The following FUS variants were observed in gnomAD, a reference collection of about 807,000 sequenced individuals.
The protein encoded by FUS is FUS RNA binding protein.
Under a neutral mutation model 82.7 loss-of-function variants are expected in FUS, and 5 were observed. The observed-to-expected ratio is 0.06, with a 90% CI of 0.03 to 0.13. The LOEUF (loss-of-function observed/expected upper bound fraction) is 0.13. Among genes scored for constraint, FUS ranks in the 10% least tolerant of loss-of-function variants. The pLI is 1.00. For missense variants in FUS, 512 were observed against 707.8 expected, an observed-to-expected ratio of 0.72 and a Z score of 3.14; for synonymous variants, 281 against 247.4, an observed-to-expected ratio of 1.14 and a Z score of -1.27.
downstream of FUS, chr16:31,193,199 C>T (rs979313916): frequency 6.1e-6 from 3 of 492,568 alleles, no homozygotes; most frequent in African/African-American, 1.9e-5. Context: ...ACCTCAGCCT[C>T]CCAATAAACC....
In FUS at chr16:31,191,520, C is replaced by T. The variant is rs1453096691; in HGVS notation, c.*82C>T. On this transcript the variant is annotated 3_prime_UTR_variant, in exon 15 of 15. Transcript: ENST00000254108. ...TCGTTATTTTGTAACCTTCCAATTC[C>T]TGATCACCCAAGGGTTTTTTTGTGT... 2.7e-6 allele frequency: 4 copies of T among 1,465,486 alleles called. No individual in the cohort carries two copies. The highest frequency in any genetic ancestry group is 1.4e-5 in the African/African-American group (1 of 71,758). The allele number at this position is 1,465,486 out of a possible 1,614,324, so 90.8% of individuals were successfully genotyped here.
downstream of FUS, chr16:31,194,447 C>A (rs1180326784): frequency 5.9e-6 from 3 of 506,432 alleles, no homozygotes; most frequent in East Asian, 1.3e-4. Context: ...GCACCTGCCA[C>A]CATGACTGGC....
chr16:31,186,435 T>C, intron 6 of FUS: 2 of 405,788 alleles, frequency 4.9e-6, no homozygotes, highest in Non-Finnish European at 9.1e-6. Flanking sequence ...GTCTTCTGGG[T>C]AAATTGGGGT....
rs147066627 is a variant in FUS at position 31,182,593 on chromosome 16, G to C, written c.119G>C (p.Gly40Ala). 86 of 1,614,172 alleles carry C rather than the reference G, an allele frequency of 5.3e-5. No homozygotes were observed. The African/African-American group carries it at 1.1e-3, about 21-fold the overall frequency. Residue 40 changes from glycine to alanine, a missense_variant, in exon 3 of 15, where the codon GGT (glycine) becomes GCT (alanine). Gly to Ala is a moderately conservative substitution (Grantham distance 60, BLOSUM62 0). Transcript: ENST00000254108. The stretch of plus-strand genomic sequence containing the variant: ...CCCTACGGACAGCAGAGTTACAGTG[G>C]TTATAGCCAGTCCACGGACACTTCA... ...SQPYGQQSYS[G>A]YSQSTDTSGY...
intron 3 of FUS, chr16:31,182,939 C>A: frequency 2.3e-6 from 1 of 434,340 alleles, no homozygotes. Context: ...TGGTCTGGAA[C>A]TCCTGACCTC....
intron 12 of FUS, 136 bp from the exon 13 acceptor site, chr16:31,190,606 C>T: frequency 2.6e-6 from 3 of 1,171,786 alleles, no homozygotes; most frequent in East Asian, 2.3e-5. Context: ...GTTCCTGACT[C>T]TGAGAAGCAA....
downstream of FUS, chr16:31,194,725 A>C (rs1289290232): frequency 2.1e-6 from 1 of 485,602 alleles, no homozygotes; most frequent in Admixed American, 2.3e-5. Context: ...TATCATTAGC[A>C]TGAATGAGAA....
chr16:31,191,688 C>G, downstream of FUS: 1 of 686,266 alleles, frequency 1.5e-6, no homozygotes, highest in Non-Finnish European at 2.7e-6. Flanking sequence ...GTTCAGATTA[C>G]CCTGCCCAGC....
At chr16:31,187,224 TGA>T (rs915718743) in intron 7 of FUS, 4 of 350,564 alleles carry the variant, frequency 1.1e-5, no homozygotes, top group Non-Finnish European at 1.6e-5. Context: ...TGTGTGTGTG[TGA>T]GTGTGTGGGA....
At chr16:31,182,717 TC>T in intron 3 of FUS, 53 bp downstream of exon 3, 1 of 1,611,788 alleles carries the variant, frequency 6.2e-7, no homozygotes, top group Non-Finnish European at 8.5e-7. Flanking sequence ...ATATTGCTTT[TC>T]TTTTTCTTGT....
At chr16:31,193,898 C>G (rs1274059270), downstream of FUS, 6 of 528,870 alleles carry the variant, frequency 1.1e-5, no homozygotes. Flanking sequence ...CTGCCTGCCT[C>G]AGCCTCCCAA....
rs67676356 is a variant in FUS at position 31,180,176 on chromosome 16, A to G, written c.-39A>G. 2.1e-3 allele frequency: 3,446 copies of G among 1,607,188 alleles called. 61 individuals are homozygous for G. In the African/African-American group the frequency reaches 0.04, roughly 19 times the overall value. ...AGGCGTCGGTACTCAGCGGTGTTGG[A>G]ACTTCGTTGCTTGCTTGCCTGTGCG... On this transcript the variant is annotated 5_prime_UTR_variant, in exon 1 of 15. Transcript: ENST00000254108.
At chr16:31,194,353 A>G (rs1183637204), downstream of FUS, 2 of 514,962 alleles carry the variant, frequency 3.9e-6, no homozygotes, top group Non-Finnish European at 7.5e-6. Context: ...CAGTGGTGTG[A>G]TCTCGACCAA....
rs79061794 is a variant in FUS at position 31,183,044 on chromosome 16, T to C, written c.190+380T>C. The C allele has an allele frequency of 8.6e-3, 2,711 of 314,336 alleles. 85 individuals carry two copies. Among genetic ancestry groups the C allele is most frequent in the African/African-American group, 0.055 (2,577 of 46,500 alleles). 19.5% of individuals were successfully genotyped at this position (314,336 alleles called of 1,614,324 possible). On this transcript the variant is annotated intron_variant, in intron 3 of 14. Transcript: ENST00000254108. ...CTTAAACCTGAGCAGCACTGAGATG[T>C]TGAAACTGTTCCATATTTCTTTTCC...
intron 6 of FUS, chr16:31,186,101 T>C (rs547371717): frequency 1.3e-5 from 3 of 238,222 alleles, no homozygotes; most frequent in African/African-American, 6.6e-5. Flanking sequence ...AGGAAATGTG[T>C]GCGTGTGTTT....
At chr16:31,183,745 C>T in intron 3 of FUS, 113 bp from the exon 4 acceptor site, 1 of 1,331,588 alleles carries the variant, frequency 7.5e-7, no homozygotes, top group Non-Finnish European at 1.1e-6. Flanking sequence ...ACATCACTAA[C>T]AGCTTCTGAG....
chr16:31,187,186 G>C, intron 7 of FUS: 1 of 407,060 alleles, frequency 2.5e-6, no homozygotes, highest in South Asian at 3.2e-5. Context: ...TTGGCTTTAG[G>C]ATCCTTTTGA....
chr16:31,183,213 A>G, intron 3 of FUS: 1 of 183,108 alleles, frequency 5.5e-6, no homozygotes, highest in South Asian at 1.0e-4. Context: ...GTGAGCTATG[A>G]TGGTGCCTGT....
chr16:31,190,893 T>C (rs1362575457), intron 13 of FUS, 51 bp downstream of exon 13: 1 of 1,612,940 alleles, frequency 6.2e-7, no homozygotes, highest in African/African-American at 1.3e-5. Flanking sequence ...GAATCCTTAA[T>C]TTTTCAGCGG....
Sources: allele counts gnomAD v4.1 joint callset, GRCh38; gene constraint gnomAD v4.1.1; transcripts MANE v1.5; gene names NCBI Gene and HGNC (gene_info 2026-07-23, HGNC 2026-07-21).